SCAF1: variants seen among roughly 807,000 people sequenced by gnomAD.
SCAF1 encodes SR-related CTD associated factor 1.
In SCAF1, 28 loss-of-function variants were observed where a neutral mutation model predicts 91.2. That is an observed-to-expected ratio of 0.31 (90% CI 0.23 to 0.42). The LOEUF (loss-of-function observed/expected upper bound fraction) is 0.42, where lower values mean the gene tolerates loss of function less well. Ranked by LOEUF, SCAF1 falls within the 10% of genes least tolerant of loss-of-function variation. The pLI, the probability that SCAF1 is intolerant of heterozygous loss-of-function variation, is 1.00. For synonymous variants in SCAF1, 1,036 were observed against 833.7 expected (o/e 1.24, Z -4.18); for missense variants, 1,893 against 1,872.1 (o/e 1.01, Z -0.21).
Position 49,646,769 on chromosome 19 carries a change from CA to C in SCAF1, c.418del (p.Ile140SerfsTer171). 1 of 1,613,902 alleles carries C rather than the reference CA, an allele frequency of 6.2e-7. No homozygotes were observed. The highest frequency in any genetic ancestry group is 2.2e-5 in the East Asian group (1 of 44,876). On this transcript the variant is annotated frameshift_variant, in exon 6 of 11. Coordinates refer to ENST00000360565, the MANE Select transcript of SCAF1 (RefSeq NM_021228.3). LOFTEE classifies it high-confidence loss of function. The surrounding 1 kb of genome is among the most constrained non-coding windows in gnomAD (Gnocchi z 5.6). ...AGGTCCGAATCGGGGACAGAGATCC[CA>C]TCCCTCTGCCTGTGCCCAGCCTGCT... ...AEVRIGDRDP[I>X]PLPVPSLLPR... is the part of the protein sequence containing the mutation.
rs554983810 is a variant in SCAF1 at position 49,645,260 on chromosome 19, CTG to C, written c.109-92_109-91del. 4,253 of 1,512,614 alleles carry C rather than the reference CTG, an allele frequency of 2.8e-3. 14 individuals are homozygous for C. Among genetic ancestry groups the C allele is most frequent in the Middle Eastern group, 5.0e-3 (29 of 5,826 alleles). The allele number at this position is 1,512,614 out of a possible 1,614,324, so 93.7% of individuals were successfully genotyped here. Reference sequence around the variant, plus strand: ...GCTCCCTTGAAGCACTTGAGTCTAGCTGTCAGTGTCTGGGATGTCTGTCTCCC... The same window carrying C: ...GCTCCCTTGAAGCACTTGAGTCTAGCTCAGTGTCTGGGATGTCTGTCTCCC... On this transcript the variant is annotated intron_variant, in intron 2 of 10. Coordinates refer to ENST00000360565, the MANE Select transcript of SCAF1 (RefSeq NM_021228.3). This position sits in a 1 kb window ranked among gnomAD's most constrained non-coding sequence, Gnocchi z 4.6.
chr19:49,651,772 G>A lies in SCAF1; in HGVS notation c.1383G>A (p.Val461=). ...CGGACGGCGAGGGCGCCCTGCAGGT[G>A]GACCTAGGGGAGCCGGCTCCCGCGC... is the stretch of plus-strand genomic sequence containing the variant. The part of the protein sequence containing the change: ...AESDGEGALQ[V]DLGEPAPAPP... Residue 461 remains valine (V), a synonymous_variant, in exon 7 of 11, where the codon GTG becomes GTA. Coordinates refer to ENST00000360565, the MANE Select transcript of SCAF1 (RefSeq NM_021228.3). The A allele has an allele frequency of 7.7e-7, 1 of 1,304,440 alleles. No homozygotes were observed. The highest frequency in any genetic ancestry group is 2.0e-5 in the South Asian group (1 of 50,112). 80.8% of individuals were successfully genotyped at this position (1,304,440 alleles called of 1,614,324 possible).
intron 1 of SCAF1, 193 bp from the exon 2 acceptor site, chr19:49,644,828 C>T (rs2081045315): frequency 1.9e-6 from 1 of 517,746 alleles, no homozygotes; most frequent in Non-Finnish European, 3.4e-6. Context: ...TGCTCCTAGT[C>T]CCTGGGGTGT....
rs1261220009 is a variant in SCAF1 at position 49,652,104 on chromosome 19, G to A, written c.1715G>A (p.Arg572His). ...PGSHASSSAR[R>H]RSRSRSRSRS... Reference sequence around the variant, plus strand: ...TCCCACGCCTCGTCGTCCGCCCGCCGCCGCTCCCGCTCCCGCTCCCGCTCC... The same window carrying A: ...TCCCACGCCTCGTCGTCCGCCCGCCACCGCTCCCGCTCCCGCTCCCGCTCC... Residue 572 changes from arginine to histidine, a missense_variant, in exon 7 of 11, where the codon CGC (arginine) becomes CAC (histidine). Around this residue, in one of 5 missense-constraint regions of SCAF1, gnomAD observed 1,436 missense variants for 1,306.8 expected, o/e 1.10. Coordinates refer to ENST00000360565, the MANE Select transcript of SCAF1 (RefSeq NM_021228.3). 6.2e-6 allele frequency: 7 copies of A among 1,132,286 alleles called. No homozygotes were observed. The highest frequency in any genetic ancestry group is 7.6e-6 in the Non-Finnish European group (7 of 918,642). 70.1% of individuals were successfully genotyped at this position (1,132,286 alleles called of 1,614,324 possible).
At chr19:49,655,987 C>T (rs1359169249) in intron 9 of SCAF1, among the ~76,000 whole-genome samples, 1 of 152,244 alleles carries the variant, frequency 6.6e-6, no homozygotes, top group East Asian at 1.9e-4. Flanking sequence ...TGTTTTCTTA[C>T]AGTCTAGTAG....
In SCAF1 at chr19:49,653,637, C is replaced by T. The variant is rs748241494; in HGVS notation, c.3248C>T (p.Thr1083Met). 17 of 1,587,466 alleles carry T rather than the reference C, an allele frequency of 1.1e-5. 1 individual carries two copies. Among genetic ancestry groups the T allele is most frequent in the African/African-American group, 2.7e-5 (2 of 74,590 alleles). ...GPASRVSQLP[T>M]LPPPMPWNLP... ...GCTTCCCGTGTCTCCCAGCTGCCCA[C>T]GTTGCCCCCGCCCATGCCCTGGAAT... Residue 1083 changes from threonine to methionine, a missense_variant, in exon 7 of 11, where the codon ACG becomes ATG. Transcript: ENST00000360565.
chr19:49,658,168 G>A (rs751027179), intron 10 of SCAF1, 40 bp from the exon 11 acceptor site: 11 of 1,589,180 alleles, frequency 6.9e-6, no homozygotes, highest in East Asian at 4.5e-5. Context: ...ATGGGGCCCC[G>A]GGAGCCTGGT....
intron 6 of SCAF1, among the ~76,000 whole-genome samples, chr19:49,648,562 C>CA (rs967924284): frequency 1.4e-5 from 2 of 145,138 alleles, no homozygotes; most frequent in African/African-American, 5.2e-5. Flanking sequence ...CCTGCCACAC[C>CA]CCCCCCCCTT....
chr19:49,646,640 C>T lies in SCAF1; in HGVS notation c.362+14C>T, dbSNP rs2081057121. ...GCGGCCTGGCGAGTGAGTAGCTGGG[C>T]AGCTGGAGTGGGAGAGGCCTCAGCG... On this transcript the variant is annotated intron_variant, in intron 5 of 10. Coordinates refer to ENST00000360565, the MANE Select transcript of SCAF1 (RefSeq NM_021228.3). The surrounding 1 kb of genome is among the most constrained non-coding windows in gnomAD (Gnocchi z 5.6). 2.5e-6 allele frequency: 4 copies of T among 1,613,660 alleles called. No individual in the cohort carries two copies. Among genetic ancestry groups the T allele is most frequent in the Non-Finnish European group, 3.4e-6 (4 of 1,179,614 alleles).
Position 49,658,500 on chromosome 19 carries a change from GA to G in SCAF1, c.*102del. ...TCCCCCGTCAGTGGGATGACTGGGG[GA>G]GGGTTGCTGCAGGGAAGAGGAGAGC... On this transcript the variant is annotated 3_prime_UTR_variant, in exon 11 of 11. Coordinates refer to ENST00000360565, the MANE Select transcript of SCAF1 (RefSeq NM_021228.3). 1.4e-6 allele frequency: 1 copy of G among 701,814 alleles called. No homozygotes were observed. Among genetic ancestry groups the G allele is most frequent in the Non-Finnish European group, 2.4e-6 (1 of 423,062 alleles). The allele number at this position is 701,814 out of a possible 1,614,324, so 43.5% of individuals were successfully genotyped here.
At chr19:49,657,734 C>CT (rs1332048402) in intron 9 of SCAF1, 27 bp from the exon 10 acceptor site, 30 of 1,580,762 alleles carry the variant, frequency 1.9e-5, no homozygotes, top group Non-Finnish European at 2.4e-5. Flanking sequence ...CTTGCTGTGT[C>CT]TTCCCCCGCT....
At chr19:49,644,212 G>A (rs1445371626) in intron 1 of SCAF1, among the ~76,000 whole-genome samples, 2 of 152,136 alleles carry the variant, frequency 1.3e-5, no homozygotes, top group Admixed American at 1.3e-4. Flanking sequence ...ACAGTCATGG[G>A]GAAGCTTACA....
In SCAF1 at chr19:49,651,939, A is replaced by G. The variant is rs2081095086; in HGVS notation, c.1550A>G (p.Lys517Arg). Residue 517 changes from lysine (K) to arginine (R), a missense_variant, in exon 7 of 11, where the codon AAG (lysine) becomes AGG (arginine). Coordinates refer to ENST00000360565, the MANE Select transcript of SCAF1 (RefSeq NM_021228.3). ...GCCGCTGCTGGTCCGCCCACGCGCA[A>G]GAAGTCCAGGCGGGAACGCAAGCGC... is the stretch of plus-strand genomic sequence containing the variant. Reference protein sequence around the residue: ...PAAAAGPPTRKKSRRERKRSG... With the variant: ...PAAAAGPPTRRKSRRERKRSG... The G allele has an allele frequency of 3.4e-6, 4 of 1,187,592 alleles. No homozygotes were observed. Among genetic ancestry groups the G allele is most frequent in the South Asian group, 1.8e-5 (1 of 54,676 alleles). The allele number at this position is 1,187,592 out of a possible 1,614,324, so 73.6% of individuals were successfully genotyped here. A position where few individuals can be genotyped will look rare whatever the true frequency, so the allele number is the denominator to read the frequency against.
In SCAF1 at chr19:49,658,582, T is replaced by C. The variant is rs1475087140; in HGVS notation, c.*183T>C. On this transcript the variant is annotated 3_prime_UTR_variant, in exon 11 of 11. Transcript: ENST00000360565. The stretch of plus-strand genomic sequence containing the variant: ...CCCTTGCCCCCAAGCCTGTCCCCAG[T>C]GCCCCTCCCTTCTGTTTGTGCCCCT... The C allele has an allele frequency of 5.0e-6, 3 of 605,892 alleles. No individual in the cohort carries two copies. The highest frequency in any genetic ancestry group is 8.8e-6 in the Non-Finnish European group (3 of 342,512). The allele number at this position is 605,892 out of a possible 1,614,324, so 37.5% of individuals were successfully genotyped here. A position where few individuals can be genotyped will look rare whatever the true frequency, so the allele number is the denominator to read the frequency against.
Position 49,653,032 on chromosome 19 carries a change from G to T in SCAF1, c.2643G>T (p.Glu881Asp). Residue 881 changes from glutamate to aspartate, a missense_variant, in exon 7 of 11, where the codon GAG (glutamate) becomes GAT (aspartate). By Grantham distance (45) the Glu-to-Asp change is conservative. Coordinates refer to ENST00000360565, the MANE Select transcript of SCAF1 (RefSeq NM_021228.3). Reference sequence around the variant, plus strand: ...GCTCCCCCTTCCTCAAACCTGACGAGCGGGCCCCCACTGAGATGGCCAAAG... The same window carrying T: ...GCTCCCCCTTCCTCAAACCTGACGATCGGGCCCCCACTGAGATGGCCAAAG... Reference protein sequence around the residue: ...ESRSPFLKPDERAPTEMAKAA... With the variant: ...ESRSPFLKPDDRAPTEMAKAA... 1 of 1,614,014 alleles carries T rather than the reference G, an allele frequency of 6.2e-7. No homozygotes were observed. Among genetic ancestry groups the T allele is most frequent in the Non-Finnish European group, 8.5e-7 (1 of 1,180,042 alleles).
In SCAF1 at chr19:49,654,595, G is replaced by A. The variant is rs137966216; in HGVS notation, c.3400-57G>A. 5.8e-4 allele frequency: 825 copies of A among 1,421,436 alleles called. 3 individuals are homozygous for A. The highest frequency in any genetic ancestry group is 2.7e-3 in the South Asian group (225 of 82,054). The allele number at this position is 1,421,436 out of a possible 1,614,324, so 88.1% of individuals were successfully genotyped here. ...TCAGCGTGGGAACAGTGGGGTGCAC[G>A]TCCCCTCTTCCCCTCCACCTCCCTT... On this transcript the variant is annotated intron_variant, in intron 8 of 10. Transcript: ENST00000360565.
Position 49,645,497 on chromosome 19 carries a change from C to T in SCAF1, c.166+86C>T. ...TCATTCATACAAGCTTTTCTGAAGC[C>T]TCCTGGGTGCCACCCTTGTGCTGGC... is the stretch of plus-strand genomic sequence containing the variant. On this transcript the variant is annotated intron_variant, in intron 3 of 10. Coordinates refer to ENST00000360565, the MANE Select transcript of SCAF1 (RefSeq NM_021228.3). The surrounding 1 kb of genome is among the most constrained non-coding windows in gnomAD (Gnocchi z 4.6). 1 of 1,416,404 alleles carries T rather than the reference C, an allele frequency of 7.1e-7. No individual in the cohort carries two copies. Among genetic ancestry groups the T allele is most frequent in the South Asian group, 1.3e-5 (1 of 79,936 alleles). 87.7% of individuals were successfully genotyped at this position (1,416,404 alleles called of 1,614,324 possible). A position where few individuals can be genotyped will look rare whatever the true frequency, so the allele number is the denominator to read the frequency against.
chr19:49,656,337 G>C (rs565358559), intron 9 of SCAF1, among the ~76,000 whole-genome samples: 1 of 152,174 alleles, frequency 6.6e-6, no homozygotes, highest in Non-Finnish European at 1.5e-5. Flanking sequence ...GTCTCTTCTG[G>C]CCACAGAGTT....
chr19:49,654,726 C>T lies in SCAF1; in HGVS notation c.3474C>T (p.Pro1158=). The T allele has an allele frequency of 6.2e-7, 1 of 1,614,074 alleles. No homozygotes were observed. Among genetic ancestry groups the T allele is most frequent in the South Asian group, 1.1e-5 (1 of 91,082 alleles). ...CTGTGCCCACCTCTTTGGGTCTGCC[C>T]CCTGGCCCCTCCAGCTACCTGCTTC... ...PAPVPTSLGL[P]PGPSSYLLPG... Residue 1158 remains proline, a synonymous_variant, in exon 9 of 11, where the codon CCC becomes CCT. Transcript: ENST00000360565.
Sources: gnomAD v4.1 joint callset for allele counts (sites outside exome capture counted in the v4.1 genomes callset) on GRCh38, gnomAD v4.1.1 for gene constraint, gnomAD v4.1.1 regional missense constraint, Gnocchi (gnomAD v3.1) non-coding constraint, MANE v1.5 for transcripts, NCBI Gene and HGNC (gene_info 2026-07-23, HGNC 2026-07-21) for gene names.